The following WDFY3 variants were observed in gnomAD, a reference collection of about 807,000 sequenced individuals.
WDFY3 encodes WD repeat and FYVE domain-containing protein 3.
A neutral mutation model predicts 409.6 loss-of-function variants in WDFY3; 66 were observed. The observed-to-expected ratio is 0.16, with a 90% CI of 0.13 to 0.20. The LOEUF is 0.20. Ranked by LOEUF, WDFY3 falls within the 10% of genes least tolerant of loss-of-function variation. The pLI is 1.00. For missense variants in WDFY3, 3,031 were observed against 4,298.1 expected (o/e 0.71, Z 8.24); for synonymous variants, 1,521 against 1,537.1 (o/e 0.99, Z 0.25).
chr4:84,941,181 T>C lies in WDFY3; in HGVS notation c.-225-8818A>G, dbSNP rs373179639. 2.1e-4 allele frequency among the ~76,000 whole-genome samples: 32 copies of C among 152,102 alleles called. No individual in the cohort carries two copies. In the East Asian group the frequency reaches 5.6e-3, roughly 27 times the overall value. ...AAATGGAATGGAAGAAGTAAAACTGTCTTTATTCCAGGCAGCATGATTATA... is the reference window on the plus strand; with the variant it reads ...AAATGGAATGGAAGAAGTAAAACTGCCTTTATTCCAGGCAGCATGATTATA... On this transcript the variant is annotated intron_variant, in intron 1 of 67. Transcript: ENST00000295888.
intron 7 of WDFY3, 79 bp downstream of exon 7, chr4:84,836,850 A>G: frequency 8.2e-7 from 1 of 1,225,174 alleles, no homozygotes; most frequent in Non-Finnish European, 1.1e-6. Context: ...AAAAAATGGA[A>G]TATGTAAAAC....
chr4:84,673,372 C>T (rs1475375279), intron 67 of WDFY3, among the ~76,000 whole-genome samples: 2 of 152,114 alleles, frequency 1.3e-5, no homozygotes, highest in Non-Finnish European at 2.9e-5. Flanking sequence ...TGGAGCTTGA[C>T]ATATTTCTCT....
At chr4:84,699,285 A>G (rs1730687341) in intron 56 of WDFY3, among the ~76,000 whole-genome samples, 2 of 152,098 alleles carry the variant, frequency 1.3e-5, no homozygotes, top group East Asian at 1.9e-4. Context: ...TATTCTGAGT[A>G]TTTCCTATAA....
At chr4:84,779,571 C>A (rs1410465654) in intron 26 of WDFY3, among the ~76,000 whole-genome samples, 1 of 152,108 alleles carries the variant, frequency 6.6e-6, no homozygotes, top group Non-Finnish European at 1.5e-5. Context: ...TGCCACCATG[C>A]CTGGCTAATT....
At chr4:84,765,679 CTTCT>C (rs1265924717) in intron 32 of WDFY3, 127 bp downstream of exon 32, 10 of 709,440 alleles carry the variant, frequency 1.4e-5, no homozygotes, top group Non-Finnish European at 2.0e-5. Flanking sequence ...TAAGCTCTTC[CTTCT>C]ATCATTAATT....
chr4:84,945,451 T>C (rs542650652), intron 1 of WDFY3, among the ~76,000 whole-genome samples: 3 of 152,334 alleles, frequency 2.0e-5, no homozygotes, highest in Admixed American at 6.5e-5. Flanking sequence ...ATGCTTCATA[T>C]AAATCACACT....
chr4:84,758,212 C>G (rs1741789546), intron 32 of WDFY3, among the ~76,000 whole-genome samples: 1 of 152,126 alleles, frequency 6.6e-6, no homozygotes, highest in Non-Finnish European at 1.5e-5. Context: ...TGATTTCGGT[C>G]TGAAGCAATT....
At chr4:84,753,397 C>T (rs1162561702) in intron 35 of WDFY3, among the ~76,000 whole-genome samples, 1 of 151,958 alleles carries the variant, frequency 6.6e-6, no homozygotes, top group Non-Finnish European at 1.5e-5. Context: ...CAGCTGGCAT[C>T]GCGTAAAATA....
At position 84,672,731 on chromosome 4, in the gene WDFY3, C is replaced by A; in HGVS notation, c.*137G>T. 1.6e-6 allele frequency: 2 copies of A among 1,240,380 alleles called. No homozygotes were observed. Among genetic ancestry groups the A allele is most frequent in the Non-Finnish European group, 2.2e-6 (2 of 894,212 alleles). 76.8% of individuals were successfully genotyped at this position (1,240,380 alleles called of 1,614,324 possible). ...TCTACACCCGTTTTATTCAATGATC[C>A]CTTTGAATTTTAACACTTCAAACAC... On this transcript the variant is annotated 3_prime_UTR_variant, in exon 68 of 68. Transcript: ENST00000295888.
At chr4:84,677,524 T>C in intron 66 of WDFY3, 128 bp from the exon 67 acceptor site, 1 of 787,408 alleles carries the variant, frequency 1.3e-6, no homozygotes, top group African/African-American at 1.8e-5. Context: ...AGAGACCCCT[T>C]GATTCACTCA....
chr4:84,744,452 C>T (rs1329175218), intron 36 of WDFY3, among the ~76,000 whole-genome samples: 1 of 151,984 alleles, frequency 6.6e-6, no homozygotes, highest in Non-Finnish European at 1.5e-5. Context: ...TAAAAAGAAA[C>T]ACATAGCGTC....
intron 51 of WDFY3, among the ~76,000 whole-genome samples, chr4:84,710,682 A>C (rs979471446): frequency 6.6e-5 from 10 of 152,234 alleles, no homozygotes; most frequent in Admixed American, 5.9e-4. Flanking sequence ...TGGAAGATTA[A>C]AGTTGGAAAT....
At chr4:84,806,667 G>C (rs545272934) in intron 15 of WDFY3, among the ~76,000 whole-genome samples, 1 of 152,020 alleles carries the variant, frequency 6.6e-6, no homozygotes, top group East Asian at 1.9e-4. Flanking sequence ...AGTGCAGTGC[G>C]GTGATCTCGG....
At chr4:84,775,579 GA>G (rs372966398) in intron 27 of WDFY3, among the ~76,000 whole-genome samples, 4 of 151,622 alleles carry the variant, frequency 2.6e-5, no homozygotes, top group Non-Finnish European at 4.4e-5. Context: ...TGAAGCATAA[GA>G]AAAAAATACT....
At chr4:84,732,180 T>C (rs558946481) in intron 44 of WDFY3, among the ~76,000 whole-genome samples, 33 of 152,304 alleles carry the variant, frequency 2.2e-4, no homozygotes, top group Middle Eastern at 3.4e-3. Context: ...TTGAGAAAAG[T>C]AGACTTTAGA....
chr4:84,785,096 G>A (rs953280092), intron 24 of WDFY3, among the ~76,000 whole-genome samples: 1 of 151,798 alleles, frequency 6.6e-6, no homozygotes, highest in Admixed American at 6.6e-5. Context: ...TAAAATGTAA[G>A]TTACAGCATT....
chr4:84,729,076 T>C (rs1232670008), intron 44 of WDFY3, among the ~76,000 whole-genome samples: 1 of 152,116 alleles, frequency 6.6e-6, no homozygotes, highest in African/African-American at 2.4e-5. Context: ...AACCTAAAAG[T>C]TGACTAGCTT....
chr4:84,812,345 G>A (rs182324860), intron 13 of WDFY3, among the ~76,000 whole-genome samples: 59 of 151,930 alleles, frequency 3.9e-4, no homozygotes, highest in African/African-American at 1.3e-3. Flanking sequence ...ACATGTATGC[G>A]CATGCACGCA....
At chr4:84,850,941 T>TTTTTTTTTG (rs1758894479) in intron 4 of WDFY3, among the ~76,000 whole-genome samples, 1 of 66,414 alleles carries the variant, frequency 1.5e-5, no homozygotes, top group Non-Finnish European at 3.4e-5. Context: ...TTTTTTTTTT[T>TTTTTTTTTG]TTTTTTTTTT....
Sources: allele counts gnomAD v4.1 joint callset (sites outside exome capture counted in the v4.1 genomes callset), GRCh38; gene constraint gnomAD v4.1.1; transcripts MANE v1.5; gene names NCBI Gene and HGNC (gene_info 2026-07-23, HGNC 2026-07-21).